YAF2: variants seen among roughly 807,000 people sequenced by gnomAD.
YAF2 encodes YY1 associated factor 2.
In YAF2, 7 loss-of-function variants were observed where a neutral mutation model predicts 20.1. The ratio of observed to expected loss-of-function variants is 0.35; its 90% CI spans 0.20 to 0.65. The LOEUF is 0.65. Among genes scored for constraint, YAF2 ranks in the 30% least tolerant of loss-of-function variants. The pLI is 0.69. For missense variants in YAF2, 151 were observed against 219.2 expected (o/e 0.69, Z 1.96); for synonymous variants, 74 against 76.0 (o/e 0.97, Z 0.14).
intron 2 of YAF2, among the ~76,000 whole-genome samples, chr12:42,230,864 T>G (rs1736060805): frequency 6.6e-6 from 1 of 152,172 alleles, no homozygotes; most frequent in African/African-American, 2.4e-5. Flanking sequence ...AAGTAGAGTT[T>G]CAATTTAAAA....
intron 2 of YAF2, among the ~76,000 whole-genome samples, chr12:42,182,009 C>T (rs2066354160): frequency 6.6e-6 from 1 of 151,884 alleles, no homozygotes; most frequent in Admixed American, 6.6e-5. Flanking sequence ...CATGAAACAT[C>T]AAAGTTTTTG....
In YAF2 at chr12:42,237,679, G is replaced by A. The variant is rs2068218090; in HGVS notation, c.72C>T (p.Asp24=). ...TGTTCCGGAAGGTGCAGACGCTACA[G>A]TCCCAGTAACCCTCATCCGAGGACG... ...PKPSSDEGYW[D]CSVCTFRNSA... is the part of the protein sequence containing the mutation. The change falls in exon 2 of 4, where the codon GAC becomes GAT. Residue 24 remains aspartate, a synonymous_variant. Coordinates refer to ENST00000534854, the MANE Select transcript of YAF2 (RefSeq NM_005748.6). The A allele has an allele frequency of 6.3e-7, 1 of 1,590,610 alleles. No individual in the cohort carries two copies. The highest frequency in any genetic ancestry group is 8.5e-7 in the Non-Finnish European group (1 of 1,170,020).
At chr12:42,179,789 C>CAAAAAAA (rs71084622) in intron 2 of YAF2, among the ~76,000 whole-genome samples, 127 of 85,068 alleles carry the variant, frequency 1.5e-3, no homozygotes, top group East Asian at 1.7e-3. Flanking sequence ...GTCTAAAAGG[C>CAAAAAAA]AAAAAAAAAA....
chr12:42,185,175 CGCAAACAA>C (rs1305600578), intron 2 of YAF2, among the ~76,000 whole-genome samples: 10 of 143,966 alleles, frequency 6.9e-5, no homozygotes, highest in South Asian at 2.2e-4. Context: ...CAGACTTTGT[CGCAAACAA>C]ACAAACAAAC....
chr12:42,172,154 T>C (rs1284520707), intron 2 of YAF2: 2 of 152,210 alleles, frequency 1.3e-5, no homozygotes, highest in Non-Finnish European at 2.9e-5. Context: ...GACAATCTTT[T>C]AACTTTAAAT....
chr12:42,235,183 C>T (rs550677119), intron 2 of YAF2: 1 of 990,396 alleles, frequency 1.0e-6, no homozygotes, highest in South Asian at 4.6e-5. Flanking sequence ...GTCACACAAA[C>T]AAATCATTAG....
At chr12:42,235,224 C>T (rs367725716) in intron 2 of YAF2, 2 of 994,736 alleles carry the variant, frequency 2.0e-6, no homozygotes, top group Non-Finnish European at 2.4e-6. Context: ...TGCAGCTATC[C>T]AGTCTTGGCT....
rs1168629180 is a variant in YAF2, at chr12:42,210,788, T to C, written c.152+26811A>G. ...ATAACTATATATACACGTATCAAAG[T>C]AAATATGGAAACAATTTGCTAAATA... On this transcript the variant is annotated intron_variant, in intron 2 of 3. Coordinates refer to ENST00000534854, the MANE Select transcript of YAF2 (RefSeq NM_005748.6). 26 of 974,434 alleles carry C rather than the reference T, an allele frequency of 2.7e-5. No individual in the cohort carries two copies. The East Asian group carries it at 5.5e-4, about 21-fold the overall frequency. 60.4% of individuals were successfully genotyped at this position (974,434 alleles called of 1,614,324 possible). A position where few individuals can be genotyped will look rare whatever the true frequency, so the allele number is the denominator to read the frequency against.
chr12:42,192,864 C>T (rs2066650447), intron 2 of YAF2, among the ~76,000 whole-genome samples: 1 of 152,204 alleles, frequency 6.6e-6, no homozygotes, highest in Non-Finnish European at 1.5e-5. Context: ...TTTTGGTCAA[C>T]AACAAACCAC....
intron 2 of YAF2, among the ~76,000 whole-genome samples, chr12:42,225,827 G>T (rs1448979864): frequency 1.3e-5 from 2 of 152,156 alleles, no homozygotes; most frequent in African/African-American, 2.4e-5. Context: ...CTCCAGCTTT[G>T]TTCTTTTTCC....
At chr12:42,203,561 T>G (rs988497974) in intron 2 of YAF2, among the ~76,000 whole-genome samples, 2 of 152,188 alleles carry the variant, frequency 1.3e-5, no homozygotes, top group Admixed American at 6.6e-5. Flanking sequence ...AAAAGCTCAT[T>G]TCTGTTCATA....
chr12:42,212,524 ATAGTC>A (rs2067242087), intron 2 of YAF2: 1 of 414,678 alleles, frequency 2.4e-6, no homozygotes, highest in African/African-American at 2.1e-5. Context: ...TCCTTTAAGA[ATAGTC>A]TAGTAACTAA....
chr12:42,210,383 T>C (rs2067172218), intron 2 of YAF2: 3 of 1,531,930 alleles, frequency 2.0e-6, no homozygotes, highest in Non-Finnish European at 1.7e-6. Context: ...TATTGGGTCT[T>C]TTCCCTCACA....
At chr12:42,212,595 A>G (rs1004940308) in intron 2 of YAF2, 2 of 274,300 alleles carry the variant, frequency 7.3e-6, no homozygotes, top group African/African-American at 4.6e-5. Context: ...ATGGGATAAA[A>G]TGGTCTGTAA....
At chr12:42,216,028 C>A (rs1309476039) in intron 2 of YAF2, among the ~76,000 whole-genome samples, 1 of 152,000 alleles carries the variant, frequency 6.6e-6, no homozygotes, top group Admixed American at 6.6e-5. Context: ...AACAAGTACC[C>A]AATGTTTTGG....
chr12:42,195,985 G>A (rs909705813), intron 2 of YAF2, among the ~76,000 whole-genome samples: 5 of 152,114 alleles, frequency 3.3e-5, no homozygotes, highest in African/African-American at 1.2e-4. Context: ...ACTTTGGGAG[G>A]CCGAGGTGGG....
chr12:42,226,657 C>G (rs2137352081), intron 2 of YAF2, among the ~76,000 whole-genome samples: 1 of 152,270 alleles, frequency 6.6e-6, no homozygotes, highest in African/African-American at 2.4e-5. Context: ...GACTGAAACC[C>G]TGTCTCAGAA....
At chr12:42,219,676 G>A (rs2067457652) in intron 2 of YAF2, among the ~76,000 whole-genome samples, 1 of 152,130 alleles carries the variant, frequency 6.6e-6, no homozygotes, top group Non-Finnish European at 1.5e-5. Context: ...GGAAAAGGCA[G>A]CTCAAAGTGG....
chr12:42,222,232 A>C (rs539620219), intron 2 of YAF2, among the ~76,000 whole-genome samples: 1 of 152,334 alleles, frequency 6.6e-6, no homozygotes, highest in Admixed American at 6.5e-5. Context: ...TAAAGAAAAA[A>C]ACACTAAGGT....
Sources: allele counts gnomAD v4.1 joint callset (sites outside exome capture counted in the v4.1 genomes callset), GRCh38; gene constraint gnomAD v4.1.1; transcripts MANE v1.5; gene names NCBI Gene and HGNC (gene_info 2026-07-23, HGNC 2026-07-21).